Variants in COL13A1 observed in about 807,000 individuals in gnomAD.
COL13A1 encodes the protein collagen type XIII alpha 1 chain, also known as collagen alpha-1(XIII) chain.
A neutral mutation model predicts 130.9 loss-of-function variants in COL13A1; 89 were observed. The observed-to-expected ratio is 0.68, with a 90% CI of 0.57 to 0.81. The LOEUF (loss-of-function observed/expected upper bound fraction) is 0.81. Among genes scored for constraint, COL13A1 ranks in the 30% least tolerant of loss-of-function variants. The pLI, the probability that COL13A1 is intolerant of heterozygous loss-of-function variation, is 0.00. For synonymous variants in COL13A1, 402 were observed against 341.6 expected (o/e 1.18, Z -1.95); for missense variants, 879 against 934.6 (o/e 0.94, Z 0.78).
At chr10:69,907,526 A>G (rs2062883860) in intron 17 of COL13A1, among the ~76,000 whole-genome samples, 1 of 152,154 alleles carries the variant, frequency 6.6e-6, no homozygotes, top group Non-Finnish European at 1.5e-5. Context: ...TAACAAACCC[A>G]CTGTCGCAAT....
chr10:69,847,339 C>T (rs1853435921), intron 2 of COL13A1, among the ~76,000 whole-genome samples: 1 of 152,170 alleles, frequency 6.6e-6, no homozygotes, highest in South Asian at 2.1e-4. Context: ...ATTCTGTCTC[C>T]AAAACACACA....
At chr10:69,902,514 A>T (rs2062298849) in intron 14 of COL13A1, among the ~76,000 whole-genome samples, 1 of 152,084 alleles carries the variant, frequency 6.6e-6, no homozygotes, top group Non-Finnish European at 1.5e-5. Flanking sequence ...TCCTCTTTGG[A>T]AGCCCCACCT....
At chr10:69,898,139 C>T in intron 13 of COL13A1, among the ~76,000 whole-genome samples, 1 of 152,218 alleles carries the variant, frequency 6.6e-6, no homozygotes, top group East Asian at 1.9e-4. Context: ...CCCAGATGCG[C>T]TGACACCAGC....
At chr10:69,952,092 T>A (rs1013001674) in intron 38 of COL13A1, among the ~76,000 whole-genome samples, 1 of 152,170 alleles carries the variant, frequency 6.6e-6, no homozygotes, top group Non-Finnish European at 1.5e-5. Flanking sequence ...ACAAATGAAT[T>A]CCTTAAACCA....
chr10:69,923,412 A>C (rs1051575425), intron 23 of COL13A1, among the ~76,000 whole-genome samples: 7 of 152,344 alleles, frequency 4.6e-5, no homozygotes, highest in Non-Finnish European at 1.0e-4. Flanking sequence ...CTGAGAAATG[A>C]AGGGGGTCTG....
Position 69,906,496 on chromosome 10 carries a change from A to G in COL13A1, c.921+674A>G, listed in dbSNP as rs367906637. Among the ~76,000 whole-genome samples the G allele has an allele frequency of 4.4e-4, 67 of 152,284 alleles. No homozygotes were observed. In the South Asian group the frequency reaches 0.014, roughly 31 times the overall value. On this transcript the variant is annotated intron_variant, in intron 17 of 40. Coordinates refer to ENST00000645393, the MANE Select transcript of COL13A1 (RefSeq NM_001368882.1). ...ATGGCCTCTTATCCTCCAGGAAGCT[A>G]GACAGACTTCCTTACAGCACAGCAG...
At chr10:69,864,124 C>T (rs983660411) in intron 2 of COL13A1, among the ~76,000 whole-genome samples, 4 of 152,086 alleles carry the variant, frequency 2.6e-5, no homozygotes, top group African/African-American at 9.7e-5. Context: ...CCTTAAGAAT[C>T]AGATGCCATC....
At position 69,809,310 on chromosome 10, in the gene COL13A1, T is replaced by C. The variant is rs560303798; in HGVS notation, c.294+6593T>C. ...ATCATTGGAGGAGGTAATATGGGGC[T>C]TCATGCACCTTGTCTACAACTTTTA... On this transcript the variant is annotated intron_variant, in intron 1 of 40. Coordinates refer to ENST00000645393, the MANE Select transcript of COL13A1 (RefSeq NM_001368882.1). 2.6e-5 allele frequency among the ~76,000 whole-genome samples: 4 copies of C among 152,344 alleles called. No homozygotes were observed. In the South Asian group the frequency reaches 8.3e-4, roughly 32 times the overall value.
chr10:69,856,911 G>T (rs1204206745), intron 2 of COL13A1, among the ~76,000 whole-genome samples: 2 of 152,242 alleles, frequency 1.3e-5, no homozygotes, highest in African/African-American at 4.8e-5. Flanking sequence ...TGAGGGGTCA[G>T]AGCCAGCAAA....
chr10:69,868,941 G>A (rs190707652), intron 3 of COL13A1, among the ~76,000 whole-genome samples: 1 of 152,324 alleles, frequency 6.6e-6, no homozygotes, highest in East Asian at 1.9e-4. Flanking sequence ...TGGGAAATGT[G>A]CTGCTTTTCC....
chr10:69,876,415 A>T (rs955333116), intron 5 of COL13A1, among the ~76,000 whole-genome samples: 1 of 152,160 alleles, frequency 6.6e-6, no homozygotes, highest in Non-Finnish European at 1.5e-5. Flanking sequence ...GAGGCCTGGG[A>T]TATTTCAGAG....
At position 69,836,501 on chromosome 10, in the gene COL13A1, T is replaced by C. The variant is rs147129518; in HGVS notation, c.364+14063T>C. 1.1e-3 allele frequency among the ~76,000 whole-genome samples: 163 copies of C among 152,298 alleles called. 1 individual carries two copies. Among genetic ancestry groups the C allele is most frequent in the African/African-American group, 3.8e-3 (156 of 41,576 alleles). ...CTACCATGCAAAGGGGAGCTGGCTATGCACATATAAGCAGGGGAGGGAGGG... is the reference window on the plus strand; with the variant it reads ...CTACCATGCAAAGGGGAGCTGGCTACGCACATATAAGCAGGGGAGGGAGGG... On this transcript the variant is annotated intron_variant, in intron 2 of 40. Transcript: ENST00000645393.
At chr10:69,904,110 T>C (rs550647237) in intron 15 of COL13A1, among the ~76,000 whole-genome samples, 3 of 152,128 alleles carry the variant, frequency 2.0e-5, no homozygotes, top group African/African-American at 2.4e-5. Context: ...AGTTTTTAGA[T>C]GGGAAAACCT....
chr10:69,803,777 A>G (rs997919107), intron 1 of COL13A1, among the ~76,000 whole-genome samples: 1 of 152,170 alleles, frequency 6.6e-6, no homozygotes, highest in African/African-American at 2.4e-5. Context: ...GCTACTTGGA[A>G]GCTTGGGACA....
rs117058246 is a variant in COL13A1 at position 69,926,270 on chromosome 10, C to T, written c.1398+398C>T. On this transcript the variant is annotated intron_variant, in intron 26 of 40. Coordinates refer to ENST00000645393, the MANE Select transcript of COL13A1 (RefSeq NM_001368882.1). ...AATCTTCCTGGAACGCATCTCCTTT[C>T]GTGTCAGTTTAACCCTGTTTCAAGT... Among the ~76,000 whole-genome samples, 920 of 152,378 alleles carry T rather than the reference C, an allele frequency of 6.0e-3. 19 individuals carry two copies. The highest frequency in any genetic ancestry group is 0.038 in the Admixed American group (582 of 15,312).
intron 6 of COL13A1, among the ~76,000 whole-genome samples, chr10:69,879,783 C>T (rs1232377421): frequency 2.0e-5 from 3 of 152,176 alleles, no homozygotes; most frequent in African/African-American, 7.2e-5. Context: ...CCCTTGACAG[C>T]ACTTTGAGCT....
At position 69,884,530 on chromosome 10, in the gene COL13A1, TAGGAGAAAGACAGGG is replaced by T. The variant is rs546795416; in HGVS notation, c.514-2920_514-2906del. Among the ~76,000 whole-genome samples, 47 of 152,276 alleles carry T rather than the reference TAGGAGAAAGACAGGG, an allele frequency of 3.1e-4. 1 individual carries two copies. The South Asian group carries it at 5.8e-3, about 19-fold the overall frequency. ...AATCTTCTGTCTGTGTATTTGCAAGTAGGAGAAAGACAGGGAGGAGTAGACATAGGGGTCTGCTTT... is the reference window on the plus strand; with the variant it reads ...AATCTTCTGTCTGTGTATTTGCAAGTAGGAGTAGACATAGGGGTCTGCTTT... On this transcript the variant is annotated intron_variant, in intron 7 of 40. Transcript: ENST00000645393.
intron 2 of COL13A1, among the ~76,000 whole-genome samples, chr10:69,839,427 T>C (rs572385109): frequency 3.3e-5 from 5 of 152,322 alleles, no homozygotes; most frequent in South Asian, 2.1e-4. Flanking sequence ...TGAGGTATAA[T>C]TGACAATTAA....
chr10:69,864,689 C>T (rs1281683061), intron 2 of COL13A1, among the ~76,000 whole-genome samples: 1 of 152,196 alleles, frequency 6.6e-6, no homozygotes, highest in Non-Finnish European at 1.5e-5. Context: ...AGAATGCTAC[C>T]CCAGAATTCT....
Sources: allele counts gnomAD v4.1 joint callset (sites outside exome capture counted in the v4.1 genomes callset), GRCh38; gene constraint gnomAD v4.1.1; transcripts MANE v1.5; gene names NCBI Gene and HGNC (gene_info 2026-07-23, HGNC 2026-07-21).